The following PRKD1 variants were observed in gnomAD, a reference collection of about 807,000 sequenced individuals.
PRKD1 encodes serine/threonine-protein kinase D1.
A neutral mutation model predicts 95.9 loss-of-function variants in PRKD1; 63 were observed. The observed-to-expected ratio is 0.66, with a 90% CI of 0.54 to 0.81. The LOEUF (loss-of-function observed/expected upper bound fraction) is 0.81, where lower values mean the gene tolerates loss of function less well. Among genes scored for constraint, PRKD1 ranks in the 30% least tolerant of loss-of-function variants. The probability of loss-of-function intolerance (pLI) is 0.00; values close to 1 mark genes in which losing one functional copy is unlikely to be tolerated. For synonymous variants in PRKD1, 425 were observed against 423.1 expected (o/e 1.00, Z -0.05); for missense variants, 1,048 against 1,165.3 (o/e 0.90, Z 1.47).
intron 13 of PRKD1, among the ~76,000 whole-genome samples, chr14:29,615,522 C>T (rs1434928716): frequency 6.6e-6 from 1 of 152,188 alleles, no homozygotes; most frequent in African/African-American, 2.4e-5. Flanking sequence ...GTTTCTCTGG[C>T]TATGAAAAGC....
intron 4 of PRKD1, among the ~76,000 whole-genome samples, chr14:29,656,250 T>G (rs1333139848): frequency 1.3e-5 from 2 of 152,198 alleles, no homozygotes. Context: ...TCTAATGACT[T>G]CATTGCTTTT....
rs373631205 is a variant in PRKD1, at chr14:29,597,620, C to G, written c.2305G>C (p.Val769Leu). 1 of 1,614,076 alleles carries G rather than the reference C, an allele frequency of 6.2e-7. No individual in the cohort carries two copies. The highest frequency in any genetic ancestry group is 8.5e-7 in the Non-Finnish European group (1 of 1,179,992). Residue 769 changes from valine (V) to leucine (L), a missense_variant, in exon 16 of 18, where the codon GTT becomes CTT. By Grantham distance (32) the Val-to-Leu change is conservative. Coordinates refer to ENST00000331968, the MANE Select transcript of PRKD1 (RefSeq NM_002742.3). ...GYNRSLDMWS[V>L]GVIIYVSLSG... ...AGGCTTACATAGATGATGACCCCAA[C>G]AGACCACATGTCTAGAGAGCGATTG...
chr14:29,675,440 T>C (rs976203685), intron 2 of PRKD1, among the ~76,000 whole-genome samples: 3 of 152,220 alleles, frequency 2.0e-5, no homozygotes, highest in Non-Finnish European at 4.4e-5. Flanking sequence ...ACTAATTTAT[T>C]TTCTGTCCCT....
intron 4 of PRKD1, 57 bp from the exon 5 acceptor site, chr14:29,638,961 A>G (rs1419926990): frequency 1.5e-6 from 2 of 1,322,532 alleles, no homozygotes; most frequent in Admixed American, 2.0e-5. Flanking sequence ...TGATTTATAT[A>G]TTTATATATT....
intron 4 of PRKD1, 35 bp downstream of exon 4, chr14:29,663,664 T>G: frequency 6.2e-7 from 1 of 1,603,158 alleles, no homozygotes. Flanking sequence ...AGATTTCTCA[T>G]GTAAATGGGG....
intron 16 of PRKD1, among the ~76,000 whole-genome samples, chr14:29,596,345 C>A (rs1893302310): frequency 6.6e-6 from 1 of 152,142 alleles, no homozygotes; most frequent in South Asian, 2.1e-4. Context: ...CTAGATATTG[C>A]CTGTAAACTA....
In PRKD1 at chr14:29,927,596, G is replaced by T; in HGVS notation, c.-84C>A. On this transcript the variant is annotated 5_prime_UTR_variant, in exon 1 of 18. Transcript: ENST00000331968. ...GAAAGTTTTGCAGCCGCTGAGCCAG[G>T]AGCTTCTTTCTCCGAGAGCCCAGAC... 1.9e-6 allele frequency: 2 copies of T among 1,039,514 alleles called. No individual in the cohort carries two copies. The highest frequency in any genetic ancestry group is 6.5e-5 in the East Asian group (1 of 15,394). 64.4% of individuals were successfully genotyped at this position (1,039,514 alleles called of 1,614,324 possible).
At chr14:29,866,731 C>A (rs1369988279) in intron 1 of PRKD1, among the ~76,000 whole-genome samples, 1 of 152,056 alleles carries the variant, frequency 6.6e-6, no homozygotes, top group African/African-American at 2.4e-5. Flanking sequence ...AGGCATAGAG[C>A]AGATCTAAAC....
chr14:29,730,289 G>A (rs144925607), intron 1 of PRKD1, among the ~76,000 whole-genome samples: 2 of 152,010 alleles, frequency 1.3e-5, no homozygotes, highest in Non-Finnish European at 2.9e-5. Context: ...ACCATTCAGA[G>A]AAGTGCAAAT....
chr14:29,708,128 G>T (rs577886735), intron 2 of PRKD1, among the ~76,000 whole-genome samples: 1 of 152,076 alleles, frequency 6.6e-6, no homozygotes, highest in South Asian at 2.1e-4. Context: ...ACATAATGAT[G>T]TCCCCATCAA....
At chr14:29,845,853 A>G (rs943561599) in intron 1 of PRKD1, among the ~76,000 whole-genome samples, 6 of 152,168 alleles carry the variant, frequency 3.9e-5, no homozygotes, top group African/African-American at 1.4e-4. Flanking sequence ...TGGAACAGAA[A>G]TGTACTGATT....
intron 1 of PRKD1, among the ~76,000 whole-genome samples, chr14:29,756,646 G>A (rs1887712900): frequency 6.6e-6 from 1 of 152,204 alleles, no homozygotes; most frequent in African/African-American, 2.4e-5. Flanking sequence ...GTACTCATGT[G>A]TTTTCAGGAA....
intron 4 of PRKD1, among the ~76,000 whole-genome samples, chr14:29,644,666 G>A (rs2139156260): frequency 1.3e-5 from 2 of 151,904 alleles, no homozygotes; most frequent in East Asian, 3.9e-4. Context: ...GACCTTTGAG[G>A]TTATAAAAAG....
chr14:29,579,796 T>C (rs1326596692), intron 16 of PRKD1, among the ~76,000 whole-genome samples: 1 of 152,190 alleles, frequency 6.6e-6, no homozygotes, highest in Non-Finnish European at 1.5e-5. Flanking sequence ...CATTTAAATG[T>C]TGCCTATGCC....
At chr14:29,812,694 A>T (rs577532782) in intron 1 of PRKD1, among the ~76,000 whole-genome samples, 2 of 152,214 alleles carry the variant, frequency 1.3e-5, no homozygotes, top group African/African-American at 4.8e-5. Context: ...AGAACAGCAG[A>T]GGGGAAACTG....
At chr14:29,715,429 T>G (rs2139367533) in intron 2 of PRKD1, among the ~76,000 whole-genome samples, 1 of 152,232 alleles carries the variant, frequency 6.6e-6, no homozygotes, top group Admixed American at 6.6e-5. Flanking sequence ...TTAATTTATT[T>G]TAATTAATGT....
At chr14:29,801,724 T>A (rs149945724) in intron 1 of PRKD1, among the ~76,000 whole-genome samples, 120 of 152,258 alleles carry the variant, frequency 7.9e-4, no homozygotes, top group African/African-American at 2.8e-3. Flanking sequence ...GTTTCGCTCT[T>A]GTTGCCCAGG....
chr14:29,862,977 T>C (rs1892762322), intron 1 of PRKD1, among the ~76,000 whole-genome samples: 1 of 152,178 alleles, frequency 6.6e-6, no homozygotes, highest in South Asian at 2.1e-4. Context: ...CATTTTCTTT[T>C]GGCGGCTTCA....
chr14:29,749,565 G>A (rs1373171883), intron 1 of PRKD1, among the ~76,000 whole-genome samples: 1 of 152,150 alleles, frequency 6.6e-6, no homozygotes, highest in Non-Finnish European at 1.5e-5. Context: ...GAGCAGGTCA[G>A]GCACATTTAA....
Sources: gnomAD v4.1 joint callset for allele counts (sites outside exome capture counted in the v4.1 genomes callset) on GRCh38, gnomAD v4.1.1 for gene constraint, MANE v1.5 for transcripts, NCBI Gene and HGNC (gene_info 2026-07-23, HGNC 2026-07-21) for gene names.